The following RORB variants were observed in gnomAD, a reference collection of about 807,000 sequenced individuals.
The protein encoded by RORB is RAR related orphan receptor B, also known as nuclear receptor ROR-beta.
In RORB, 6 loss-of-function variants were observed where a neutral mutation model predicts 59.1. The ratio of observed to expected loss-of-function variants is 0.10; its 90% CI spans 0.06 to 0.20. The LOEUF (loss-of-function observed/expected upper bound fraction) is 0.20, where lower values mean the gene tolerates loss of function less well. Among genes scored for constraint, RORB ranks in the 10% least tolerant of loss-of-function variants. RORB has a pLI of 1.00. For synonymous variants in RORB, 215 were observed against 204.5 expected, an observed-to-expected ratio of 1.05 and a Z score of -0.44; for missense variants, 320 against 560.5, an observed-to-expected ratio of 0.57 and a Z score of 4.33.
intron 1 of RORB, among the ~76,000 whole-genome samples, chr9:74,619,436 G>A (rs953673237): frequency 6.6e-6 from 1 of 152,106 alleles, no homozygotes; most frequent in African/African-American, 2.4e-5. Flanking sequence ...CCTAAAATAA[G>A]TAGATGTTGG....
At chr9:74,532,740 C>T (rs117454395) in intron 1 of RORB, among the ~76,000 whole-genome samples, 4,143 of 147,776 alleles carry the variant, frequency 0.028, 82 homozygotes, top group Non-Finnish European at 0.044. Context: ...TGTTTATATA[C>T]ATATACATTT....
chr9:74,526,171 A>C (rs1245363542), intron 1 of RORB, among the ~76,000 whole-genome samples: 1 of 151,960 alleles, frequency 6.6e-6, no homozygotes, highest in African/African-American at 2.4e-5. Context: ...TTACTGAATC[A>C]AAATCTGTAA....
chr9:74,511,104 T>C (rs559644194), intron 1 of RORB, among the ~76,000 whole-genome samples: 51 of 152,304 alleles, frequency 3.3e-4, no homozygotes, highest in Non-Finnish European at 6.9e-4. Context: ...GAAACCTTAG[T>C]TGTAATGCTC....
chr9:74,517,097 C>T (rs1250655742), intron 1 of RORB, among the ~76,000 whole-genome samples: 1 of 151,862 alleles, frequency 6.6e-6, no homozygotes, highest in Non-Finnish European at 1.5e-5. Context: ...TCTTTCCTCT[C>T]CCTCCCACTA....
chr9:74,617,430 A>T (rs1823331347), intron 1 of RORB, among the ~76,000 whole-genome samples: 1 of 152,228 alleles, frequency 6.6e-6, no homozygotes, highest in African/African-American at 2.4e-5. Flanking sequence ...GGGACAGTCG[A>T]CATGTTCATA....
intron 1 of RORB, among the ~76,000 whole-genome samples, chr9:74,520,567 T>A (rs566972850): frequency 4.3e-4 from 65 of 152,072 alleles, no homozygotes; most frequent in African/African-American, 8.4e-4. Context: ...GGTTCTTTTT[T>A]AATTTTTTTT....
Position 74,604,193 on chromosome 9 carries a change from A to C in RORB, c.8-26089A>C, listed in dbSNP as rs142554620. ...GAGGTCTTAATTCACAGGTTGATTC[A>C]TTTTTTGAATAAATATTATTTGAAT... On this transcript the variant is annotated intron_variant, in intron 1 of 9. Transcript: ENST00000376896. 3.1e-3 allele frequency among the ~76,000 whole-genome samples: 465 copies of C among 152,340 alleles called. 1 individual carries two copies. The highest frequency in any genetic ancestry group is 0.014 in the South Asian group (67 of 4,830).
At chr9:74,530,401 C>T (rs977994029) in intron 1 of RORB, among the ~76,000 whole-genome samples, 1 of 151,948 alleles carries the variant, frequency 6.6e-6, no homozygotes, top group African/African-American at 2.4e-5. Flanking sequence ...GCTGTGAAAA[C>T]TTCGCATTGC....
At chr9:74,499,620 C>T (rs927129530) in intron 1 of RORB, among the ~76,000 whole-genome samples, 4 of 152,158 alleles carry the variant, frequency 2.6e-5, no homozygotes, top group African/African-American at 9.7e-5. Context: ...GTTGGTTACA[C>T]GCTCCACTGT....
intron 1 of RORB, among the ~76,000 whole-genome samples, chr9:74,529,046 T>TA (rs1354906800): frequency 6.6e-6 from 1 of 152,028 alleles, no homozygotes; most frequent in East Asian, 1.9e-4. Context: ...AGAAGTGCTC[T>TA]ATTCGTTATC....
At chr9:74,525,885 T>A (rs1477376986) in intron 1 of RORB, among the ~76,000 whole-genome samples, 1 of 151,924 alleles carries the variant, frequency 6.6e-6, no homozygotes, top group Non-Finnish European at 1.5e-5. Context: ...AGAAAGCAAA[T>A]GCAAATTTAC....
At chr9:74,602,136 A>G (rs1823068787) in intron 1 of RORB, among the ~76,000 whole-genome samples, 1 of 152,094 alleles carries the variant, frequency 6.6e-6, no homozygotes, top group African/African-American at 2.4e-5. Flanking sequence ...AGGAAACATC[A>G]CAAACCTTAG....
At chr9:74,638,890 T>C (rs1823747043) in intron 3 of RORB, among the ~76,000 whole-genome samples, 1 of 152,264 alleles carries the variant, frequency 6.6e-6, no homozygotes, top group African/African-American at 2.4e-5. Context: ...TTTAGGATCA[T>C]ACCTGAAATA....
chr9:74,676,482 C>G (rs979984281), intron 9 of RORB, among the ~76,000 whole-genome samples: 4 of 152,230 alleles, frequency 2.6e-5, no homozygotes, highest in African/African-American at 9.6e-5. Flanking sequence ...TTTTTATTTT[C>G]TCACAACTAA....
intron 1 of RORB, among the ~76,000 whole-genome samples, chr9:74,521,885 A>G (rs1826090310): frequency 6.6e-6 from 1 of 151,836 alleles, no homozygotes; most frequent in Non-Finnish European, 1.5e-5. Context: ...CTATAAAATT[A>G]TAAGGACTAG....
intron 3 of RORB, among the ~76,000 whole-genome samples, chr9:74,635,259 G>A (rs1406029429): frequency 6.6e-6 from 1 of 152,178 alleles, no homozygotes; most frequent in Non-Finnish European, 1.5e-5. Context: ...TAGCTACCCA[G>A]AGGAGGAATT....
At chr9:74,524,678 G>A (rs1173766271) in intron 1 of RORB, among the ~76,000 whole-genome samples, 9 of 151,338 alleles carry the variant, frequency 5.9e-5, no homozygotes, top group African/African-American at 1.5e-4. Flanking sequence ...TTTCCTTGTC[G>A]GGTAATCAAA....
At chr9:74,682,028 G>T (rs917016365) in intron 9 of RORB, among the ~76,000 whole-genome samples, 1 of 151,950 alleles carries the variant, frequency 6.6e-6, no homozygotes, top group African/African-American at 2.4e-5. Context: ...CATGTCCTTC[G>T]ACTGAAAAGC....
Position 74,513,182 on chromosome 9 carries a change from G to A in RORB, c.7+15199G>A, listed in dbSNP as rs111756370. ...GTTCCACTTTCCTCTGCATATTTTT[G>A]TGAATAAGTTTTTCAACACTTGTAT... On this transcript the variant is annotated intron_variant, in intron 1 of 9. Coordinates refer to ENST00000376896, the MANE Select transcript of RORB (RefSeq NM_006914.4). Among the ~76,000 whole-genome samples the A allele has an allele frequency of 3.8e-3, 575 of 152,048 alleles. 6 individuals are homozygous for A. Among genetic ancestry groups the A allele is most frequent in the African/African-American group, 0.013 (543 of 41,488 alleles).
Sources: allele counts gnomAD v4.1 joint callset (sites outside exome capture counted in the v4.1 genomes callset), GRCh38; gene constraint gnomAD v4.1.1; transcripts MANE v1.5; gene names NCBI Gene and HGNC (gene_info 2026-07-23, HGNC 2026-07-21).